The following LRP1B variants were observed in gnomAD, a reference collection of about 807,000 sequenced individuals.
LRP1B encodes low-density lipoprotein receptor-related protein 1B.
Under a neutral mutation model 556.6 loss-of-function variants are expected in LRP1B, and 217 were observed. The ratio of observed to expected loss-of-function variants is 0.39; its 90% CI spans 0.35 to 0.44. The LOEUF is 0.44. Among genes scored for constraint, LRP1B ranks in the 20% least tolerant of loss-of-function variants. The pLI is 1.00. For synonymous variants in LRP1B, 2,047 were observed against 1,865.8 expected (o/e 1.10, Z -2.50); for missense variants, 5,053 against 5,620.8 (o/e 0.90, Z 3.23).
At chr2:140,248,222 C>A (rs1272760056) in intron 86 of LRP1B, among the ~76,000 whole-genome samples, 2 of 151,508 alleles carry the variant, frequency 1.3e-5, no homozygotes, top group Non-Finnish European at 3.0e-5. Flanking sequence ...ATTGGCTGTC[C>A]TAAAACATGG....
chr2:141,363,830 A>T (rs72979084), intron 3 of LRP1B, among the ~76,000 whole-genome samples: 2 of 152,300 alleles, frequency 1.3e-5, no homozygotes, highest in East Asian at 1.9e-4. Flanking sequence ...CTAAACAAAG[A>T]TATATTCAGC....
intron 6 of LRP1B, among the ~76,000 whole-genome samples, chr2:141,208,903 A>G (rs1682414238): frequency 1.4e-5 from 2 of 139,290 alleles, no homozygotes; most frequent in South Asian, 4.6e-4. Flanking sequence ...AAAAAAAAAA[A>G]AAAAAAAAAA....
intron 3 of LRP1B, among the ~76,000 whole-genome samples, chr2:141,463,607 A>ATAT (rs1559084033): frequency 9.2e-6 from 1 of 108,430 alleles, no homozygotes; most frequent in Non-Finnish European, 1.8e-5. Flanking sequence ...ATTATATATT[A>ATAT]TATATAATTA....
intron 3 of LRP1B, among the ~76,000 whole-genome samples, chr2:141,461,845 A>G (rs919732940): frequency 1.3e-5 from 2 of 152,234 alleles, no homozygotes; most frequent in Admixed American, 1.3e-4. Context: ...ATGTGGCATG[A>G]GGATGTTGAA....
intron 4 of LRP1B, among the ~76,000 whole-genome samples, chr2:141,248,186 T>C (rs955446305): frequency 6.6e-6 from 1 of 152,176 alleles, no homozygotes; most frequent in African/African-American, 2.4e-5. Flanking sequence ...AGATACTCAA[T>C]GATTCTTAAC....
At chr2:141,985,640 TGA>T (rs1702166987) in intron 1 of LRP1B, among the ~76,000 whole-genome samples, 1 of 151,756 alleles carries the variant, frequency 6.6e-6, no homozygotes, top group African/African-American at 2.4e-5. Context: ...ATAAATTAGA[TGA>T]GAGAGGTAAA....
At chr2:140,471,404 T>G (rs1055071265) in intron 60 of LRP1B, among the ~76,000 whole-genome samples, 9 of 152,172 alleles carry the variant, frequency 5.9e-5, no homozygotes, top group African/African-American at 1.9e-4. Flanking sequence ...TAGGAGTAGT[T>G]TGGCACTATT....
chr2:141,107,047 T>C (rs1332164733), intron 7 of LRP1B, among the ~76,000 whole-genome samples: 1 of 152,144 alleles, frequency 6.6e-6, no homozygotes, highest in Non-Finnish European at 1.5e-5. Flanking sequence ...TATTCAGTGA[T>C]TCTACTTTTT....
At chr2:141,124,605 A>G (rs987754414) in intron 7 of LRP1B, among the ~76,000 whole-genome samples, 1 of 150,184 alleles carries the variant, frequency 6.7e-6, no homozygotes, top group East Asian at 2.0e-4. Flanking sequence ...ACCTTTTACA[A>G]TGTTTAAACT....
chr2:141,942,166 G>T (rs1472283666), intron 1 of LRP1B, among the ~76,000 whole-genome samples: 3 of 152,022 alleles, frequency 2.0e-5, no homozygotes, highest in East Asian at 3.9e-4. Context: ...TGCTTTTGAT[G>T]AGCATTGTTC....
chr2:140,510,641 T>C (rs1689612728), intron 51 of LRP1B, among the ~76,000 whole-genome samples: 1 of 152,194 alleles, frequency 6.6e-6, no homozygotes, highest in Non-Finnish European at 1.5e-5. Context: ...GCACCAACTT[T>C]TAACCACTCA....
At chr2:141,330,003 A>T (rs35359597) in intron 3 of LRP1B, among the ~76,000 whole-genome samples, 2 of 16,458 alleles carry the variant, frequency 1.2e-4, no homozygotes, top group East Asian at 7.9e-4. Flanking sequence ...TATTATAGAT[A>T]AAAAAAAAAA....
chr2:140,803,867 A>AC (rs1405747306), intron 32 of LRP1B, among the ~76,000 whole-genome samples: 5 of 41,410 alleles, frequency 1.2e-4, no homozygotes, highest in African/African-American at 1.9e-4. Context: ...CCCCTCCCCC[A>AC]CCCCCCCAAC....
At chr2:140,753,938 A>G (rs414023) in intron 35 of LRP1B, among the ~76,000 whole-genome samples, 56,423 of 151,786 alleles carry the variant, frequency 0.37, 10,598 homozygotes, top group South Asian at 0.5. Context: ...CCCAATCCAG[A>G]GAAGGCCAAG....
intron 6 of LRP1B, among the ~76,000 whole-genome samples, chr2:141,211,814 C>T (rs551213106): frequency 4.6e-5 from 7 of 152,218 alleles, no homozygotes; most frequent in South Asian, 4.1e-4. Flanking sequence ...TCTGGAAACA[C>T]GTCCTCAGAT....
At chr2:142,125,426 T>G (rs948096591) in intron 1 of LRP1B, among the ~76,000 whole-genome samples, 2 of 151,780 alleles carry the variant, frequency 1.3e-5, no homozygotes, top group Non-Finnish European at 3.0e-5. Context: ...ATAATACTTT[T>G]CAAAATTGAG....
At chr2:140,542,165 T>G (rs1680161234) in intron 43 of LRP1B, among the ~76,000 whole-genome samples, 194 bp from the exon 44 acceptor site, 1 of 152,112 alleles carries the variant, frequency 6.6e-6, no homozygotes, top group African/African-American at 2.4e-5. Context: ...TTGTAGTCAT[T>G]GTTAGTGCTT....
At chr2:142,069,405 C>A (rs959386362) in intron 1 of LRP1B, among the ~76,000 whole-genome samples, 1 of 151,472 alleles carries the variant, frequency 6.6e-6, no homozygotes, top group Non-Finnish European at 1.5e-5. Flanking sequence ...GAAGACAGTT[C>A]CTCTGCCTTA....
chr2:141,694,034 A>G (rs1402448920), intron 2 of LRP1B, among the ~76,000 whole-genome samples: 1 of 152,032 alleles, frequency 6.6e-6, no homozygotes, highest in East Asian at 1.9e-4. Context: ...AAAGAGGGGA[A>G]CTTTGAGAAT....
Sources: gnomAD v4.1 joint callset for allele counts (sites outside exome capture counted in the v4.1 genomes callset) on GRCh38, gnomAD v4.1.1 for gene constraint, MANE v1.5 for transcripts, NCBI Gene and HGNC (gene_info 2026-07-23, HGNC 2026-07-21) for gene names.